Variants in GRID2 observed in about 807,000 individuals in gnomAD.
GRID2 encodes glutamate receptor ionotropic, delta-2.
Under a neutral mutation model 114.8 loss-of-function variants are expected in GRID2, and 33 were observed. That is an observed-to-expected ratio of 0.29 (90% CI 0.22 to 0.38). The LOEUF (loss-of-function observed/expected upper bound fraction) is 0.38. Ranked by LOEUF, GRID2 falls within the 10% of genes least tolerant of loss-of-function variation. GRID2 has a pLI of 1.00. For missense variants in GRID2, 1,184 were observed against 1,257.7 expected (o/e 0.94, Z 0.89); for synonymous variants, 505 against 449.9 (o/e 1.12, Z -1.55).
chr4:93,496,133 A>C (rs1161860277), intron 12 of GRID2, among the ~76,000 whole-genome samples: 1 of 151,686 alleles, frequency 6.6e-6, no homozygotes, highest in Non-Finnish European at 1.5e-5. Flanking sequence ...AAAAAAAAAA[A>C]AACAGGCTGT....
intron 14 of GRID2, among the ~76,000 whole-genome samples, chr4:93,708,770 T>G (rs953539188): frequency 6.6e-6 from 1 of 152,002 alleles, no homozygotes; most frequent in African/African-American, 2.4e-5. Flanking sequence ...TCTTTCCTTC[T>G]TCCTTCCTTC....
chr4:93,253,914 C>A (rs1317715729), intron 8 of GRID2, among the ~76,000 whole-genome samples: 1 of 152,092 alleles, frequency 6.6e-6, no homozygotes, highest in Non-Finnish European at 1.5e-5. Flanking sequence ...TCTTTTCCCT[C>A]TGATTTTGTT....
At chr4:92,745,880 A>G (rs534659201) in intron 2 of GRID2, among the ~76,000 whole-genome samples, 1 of 152,296 alleles carries the variant, frequency 6.6e-6, no homozygotes, top group African/African-American at 2.4e-5. Context: ...AAAAAGAAGC[A>G]TGATCAGCAT....
intron 2 of GRID2, among the ~76,000 whole-genome samples, chr4:92,621,975 A>C (rs564145320): frequency 6.6e-6 from 1 of 151,940 alleles, no homozygotes; most frequent in South Asian, 2.1e-4. Context: ...AAATTTGTTA[A>C]ACATTGAACT....
At chr4:93,656,569 G>A (rs148067993) in intron 14 of GRID2, among the ~76,000 whole-genome samples, 136 of 151,986 alleles carry the variant, frequency 8.9e-4, no homozygotes, top group Middle Eastern at 3.4e-3. Context: ...GGTGGCTCAC[G>A]TCTGTAATCC....
chr4:93,267,424 G>A (rs1273080826), intron 8 of GRID2, among the ~76,000 whole-genome samples: 1 of 152,136 alleles, frequency 6.6e-6, no homozygotes, highest in Non-Finnish European at 1.5e-5. Flanking sequence ...AGCAACCACT[G>A]CTGTGTCAAA....
chr4:93,429,946 T>A (rs1769243893), intron 10 of GRID2, among the ~76,000 whole-genome samples: 1 of 152,144 alleles, frequency 6.6e-6, no homozygotes, highest in Non-Finnish European at 1.5e-5. Flanking sequence ...TATTTAGTAA[T>A]TATAATGCCA....
intron 1 of GRID2, among the ~76,000 whole-genome samples, chr4:92,331,023 A>G (rs1726856188): frequency 6.6e-6 from 1 of 152,114 alleles, no homozygotes; most frequent in Admixed American, 6.6e-5. Flanking sequence ...TGTGTTATTC[A>G]CTGTGGAGGT....
intron 8 of GRID2, among the ~76,000 whole-genome samples, chr4:93,354,908 A>G (rs1761183680): frequency 6.7e-6 from 1 of 148,502 alleles, no homozygotes; most frequent in African/African-American, 2.5e-5. Flanking sequence ...TGCCTACTAG[A>G]TATTTTTGCC....
intron 8 of GRID2, 42 bp from the exon 9 acceptor site, chr4:93,395,565 T>C (rs774028408): frequency 2.3e-6 from 2 of 861,976 alleles, no homozygotes; most frequent in Non-Finnish European, 4.0e-6. Context: ...GATGGGACTG[T>C]TCTTCAGGCA....
chr4:93,161,695 A>G (rs150705220), intron 4 of GRID2, among the ~76,000 whole-genome samples: 4 of 151,914 alleles, frequency 2.6e-5, no homozygotes, highest in Non-Finnish European at 5.9e-5. Context: ...TGTAAATCAT[A>G]GTTTTTATGT....
chr4:93,454,586 A>G (rs1378651320), intron 10 of GRID2, among the ~76,000 whole-genome samples: 1 of 152,082 alleles, frequency 6.6e-6, no homozygotes, highest in Non-Finnish European at 1.5e-5. Context: ...ACGTACCCAC[A>G]CTGCTTAACT....
intron 2 of GRID2, among the ~76,000 whole-genome samples, chr4:93,020,831 G>A (rs1413282676): frequency 2.6e-5 from 4 of 151,952 alleles, no homozygotes; most frequent in African/African-American, 7.3e-5. Context: ...TCAGGAGTTC[G>A]AGACCAGCCC....
At chr4:92,377,954 G>C (rs540937820) in intron 1 of GRID2, among the ~76,000 whole-genome samples, 1 of 152,096 alleles carries the variant, frequency 6.6e-6, no homozygotes, top group Admixed American at 6.6e-5. Context: ...ATATTTCAAC[G>C]TATGTGGTTA....
chr4:93,726,022 C>T (rs1199048670), intron 14 of GRID2, among the ~76,000 whole-genome samples: 1 of 152,174 alleles, frequency 6.6e-6, no homozygotes, highest in Non-Finnish European at 1.5e-5. Flanking sequence ...GCTTTGGTTG[C>T]CATTGCTTTT....
chr4:93,566,824 A>G (rs562334734), intron 13 of GRID2, among the ~76,000 whole-genome samples: 1 of 152,112 alleles, frequency 6.6e-6, no homozygotes, highest in Non-Finnish European at 1.5e-5. Flanking sequence ...GATTACAAAG[A>G]ATGAATTTTT....
At chr4:92,832,756 C>T (rs963794591) in intron 2 of GRID2, among the ~76,000 whole-genome samples, 2 of 152,004 alleles carry the variant, frequency 1.3e-5, no homozygotes, top group African/African-American at 4.8e-5. Flanking sequence ...CACTGCACTC[C>T]AGCCTGGACA....
At chr4:92,553,643 T>C (rs1364523784) in intron 1 of GRID2, among the ~76,000 whole-genome samples, 1 of 152,076 alleles carries the variant, frequency 6.6e-6, no homozygotes, top group Non-Finnish European at 1.5e-5. Flanking sequence ...CCCAAATCCT[T>C]ATCATTAACT....
At chr4:92,528,301 A>G (rs1458865507) in intron 1 of GRID2, among the ~76,000 whole-genome samples, 1 of 123,050 alleles carries the variant, frequency 8.1e-6, no homozygotes, top group African/African-American at 3.8e-5. Flanking sequence ...TATTTTGAGT[A>G]TATATATATA....
Sources: gnomAD v4.1 joint callset for allele counts (sites outside exome capture counted in the v4.1 genomes callset) on GRCh38, gnomAD v4.1.1 for gene constraint, MANE v1.5 for transcripts, NCBI Gene and HGNC (gene_info 2026-07-23, HGNC 2026-07-21) for gene names.